CCDC63: variants seen among roughly 807,000 people sequenced by gnomAD.
CCDC63 encodes coiled-coil domain-containing protein 63.
A neutral mutation model predicts 63.6 loss-of-function variants in CCDC63; 54 were observed. That is an observed-to-expected ratio of 0.85 (90% CI 0.68 to 1.07). CCDC63 has a LOEUF of 1.07. CCDC63 is among the 50% of genes least tolerant of loss of function. The pLI, the probability that CCDC63 is intolerant of heterozygous loss-of-function variation, is 0.00. For missense variants in CCDC63, 637 were observed against 689.6 expected (o/e 0.92, Z 0.86); for synonymous variants, 253 against 266.1 (o/e 0.95, Z 0.48).
At chr12:110,850,388 G>A (rs1351803118) in intron 1 of CCDC63, among the ~76,000 whole-genome samples, 4 of 152,328 alleles carry the variant, frequency 2.6e-5, no homozygotes, top group African/African-American at 9.6e-5. Flanking sequence ...GGAGGGAAGC[G>A]ACTGTTGGGG....
At chr12:110,854,449 C>A (rs760394567) in intron 3 of CCDC63, among the ~76,000 whole-genome samples, 4 of 151,936 alleles carry the variant, frequency 2.6e-5, no homozygotes, top group Non-Finnish European at 4.4e-5. Context: ...CGCCCACCAC[C>A]ATGCCTGGCT....
chr12:110,851,891 C>A (rs1444813537), intron 1 of CCDC63, among the ~76,000 whole-genome samples: 1 of 152,162 alleles, frequency 6.6e-6, no homozygotes, highest in African/African-American at 2.4e-5. Flanking sequence ...ACTGAAGTGG[C>A]TTGCCCGAGG....
intron 11 of CCDC63, among the ~76,000 whole-genome samples, chr12:110,906,674 G>A (rs553928539): frequency 2.2e-4 from 34 of 151,808 alleles, no homozygotes; most frequent in African/African-American, 6.8e-4. Context: ...ACACACACAC[G>A]CACACACAGA....
chr12:110,882,104 CAG>C (rs2071216357), intron 7 of CCDC63, among the ~76,000 whole-genome samples: 1 of 152,168 alleles, frequency 6.6e-6, no homozygotes, highest in Admixed American at 6.5e-5. Flanking sequence ...AAGATCAGCA[CAG>C]GGAGAAGGTG....
chr12:110,865,072 TAGAG>T (rs2070925840), intron 4 of CCDC63, among the ~76,000 whole-genome samples: 1 of 152,108 alleles, frequency 6.6e-6, no homozygotes, highest in Admixed American at 6.5e-5. Flanking sequence ...CCCTTCCCAA[TAGAG>T]AGGCCCCAGC....
At chr12:110,854,440 G>T (rs921386103) in intron 3 of CCDC63, among the ~76,000 whole-genome samples, 5 of 151,632 alleles carry the variant, frequency 3.3e-5, no homozygotes, top group African/African-American at 9.7e-5. Context: ...GATTACAGGC[G>T]CCCACCACCA....
At chr12:110,876,767 C>T (rs1406683126) in intron 5 of CCDC63, among the ~76,000 whole-genome samples, 1 of 151,614 alleles carries the variant, frequency 6.6e-6, no homozygotes, top group East Asian at 1.9e-4. Context: ...GATGTGGTGG[C>T]TCACATCTAT....
chr12:110,870,997 T>C (rs4766515), intron 4 of CCDC63, among the ~76,000 whole-genome samples: 46,105 of 151,934 alleles, frequency 0.3, 7,231 homozygotes, highest in African/African-American at 0.38. Context: ...TTGGGGTCAC[T>C]AAGGACCTCG....
chr12:110,881,190 C>T lies in CCDC63; in HGVS notation c.747C>T (p.Ile249=). ...ACACCTCTCAGTACAACCTGGAGAT[C>T]CGAGAGCTGGAGCGTCTCTATGCCC... The part of the protein sequence containing the change: ...KKDTSQYNLE[I]RELERLYAHE... The change falls in exon 7 of 12, where the codon ATC becomes ATT. Residue 249 remains isoleucine (I), a synonymous_variant. Transcript: ENST00000308208. The T allele has an allele frequency of 1.9e-6, 3 of 1,613,576 alleles. No individual in the cohort carries two copies.
chr12:110,865,390 G>C (rs1301186344), intron 4 of CCDC63, among the ~76,000 whole-genome samples: 2 of 146,364 alleles, frequency 1.4e-5, no homozygotes, highest in Non-Finnish European at 3.0e-5. Context: ...TGACAGGAAG[G>C]CTGTGGCCCA....
At chr12:110,902,126 C>T (rs1273592717) in intron 10 of CCDC63, among the ~76,000 whole-genome samples, 1 of 152,080 alleles carries the variant, frequency 6.6e-6, no homozygotes, top group Admixed American at 6.6e-5. Context: ...CCACCACGCC[C>T]GGCCACCACA....
At position 110,893,166 on chromosome 12, in the gene CCDC63, G is replaced by A. The variant is rs2071379054; in HGVS notation, c.1149+16G>A. The A allele has an allele frequency of 6.2e-7, 1 of 1,606,836 alleles. No homozygotes were observed. Among genetic ancestry groups the A allele is most frequent in the East Asian group, 2.2e-5 (1 of 44,846 alleles). Reference sequence around the variant, plus strand: ...ACAGCTGGAGGTGAGAACAGGATCGGGAGGGAGGGATGCGGGAGCTTCTGT... The same window carrying A: ...ACAGCTGGAGGTGAGAACAGGATCGAGAGGGAGGGATGCGGGAGCTTCTGT... On this transcript the variant is annotated intron_variant, in intron 9 of 11. Coordinates refer to ENST00000308208, the MANE Select transcript of CCDC63 (RefSeq NM_152591.3).
At position 110,887,878 on chromosome 12, in the gene CCDC63, A is replaced by G. The variant is rs2071304980; in HGVS notation, c.1074+3628A>G. Among the ~76,000 whole-genome samples the G allele has an allele frequency of 2.0e-5, 3 of 152,210 alleles. No individual in the cohort carries two copies. In the South Asian group the frequency reaches 6.2e-4, roughly 32 times the overall value. On this transcript the variant is annotated intron_variant, in intron 8 of 11. Coordinates refer to ENST00000308208, the MANE Select transcript of CCDC63 (RefSeq NM_152591.3). ...CCCAAAATGCTGGGAATACAGCGTG[A>G]GCCACCGCGCCCGGCCCCAGCCTTC... is the stretch of plus-strand genomic sequence containing the variant.
chr12:110,899,242 T>A, intron 10 of CCDC63, 117 bp downstream of exon 10: 1 of 857,514 alleles, frequency 1.2e-6, no homozygotes. Context: ...GTGTGGGCAC[T>A]AAAGCCAGCC....
At chr12:110,899,250 G>A (rs2071454618) in intron 10 of CCDC63, 125 bp downstream of exon 10, 1 of 793,240 alleles carries the variant, frequency 1.3e-6, no homozygotes, top group Non-Finnish European at 2.0e-6. Flanking sequence ...ACTAAAGCCA[G>A]CCTGCCTGGG....
intron 10 of CCDC63, among the ~76,000 whole-genome samples, chr12:110,903,931 T>G (rs1283700601): frequency 2.0e-5 from 3 of 152,218 alleles, no homozygotes. Context: ...AACCTTCTTT[T>G]CGTCATCATC....
chr12:110,859,922 T>C (rs1171783143), intron 4 of CCDC63, among the ~76,000 whole-genome samples: 1 of 150,096 alleles, frequency 6.7e-6, no homozygotes, highest in Admixed American at 6.6e-5. Context: ...CTTCCCCCAC[T>C]CCCGCTTGTC....
chr12:110,892,773 T>C (rs944572722), intron 8 of CCDC63, among the ~76,000 whole-genome samples: 5 of 151,492 alleles, frequency 3.3e-5, no homozygotes, highest in African/African-American at 1.2e-4. Flanking sequence ...GAGCCAAGAT[T>C]GTGCCATTGC....
intron 8 of CCDC63, among the ~76,000 whole-genome samples, chr12:110,888,390 T>C (rs2071312233): frequency 6.6e-6 from 1 of 152,114 alleles, no homozygotes; most frequent in Non-Finnish European, 1.5e-5. Flanking sequence ...TCCCCACTCC[T>C]CATAAGGGGA....
Sources: allele counts gnomAD v4.1 joint callset (sites outside exome capture counted in the v4.1 genomes callset), GRCh38; gene constraint gnomAD v4.1.1; transcripts MANE v1.5; gene names NCBI Gene and HGNC (gene_info 2026-07-23, HGNC 2026-07-21).